Variants in TAFA1 observed in about 807,000 individuals in gnomAD.
TAFA1 encodes the protein chemokine-like protein TAFA-1.
TAFA1 carries 4 observed loss-of-function variants against 18.5 expected under a neutral mutation model. The observed-to-expected ratio is 0.22, with a 90% confidence interval of 0.11 to 0.49. The LOEUF is 0.49. Among genes scored for constraint, TAFA1 ranks in the 20% least tolerant of loss-of-function variants. The pLI, the probability that TAFA1 is intolerant of heterozygous loss-of-function variation, is 0.98. For missense variants in TAFA1, 147 were observed against 169.0 expected, an observed-to-expected ratio of 0.87 and a Z score of 0.72; for synonymous variants, 56 against 55.2, an observed-to-expected ratio of 1.01 and a Z score of -0.06.
At chr3:68,195,645 A>G (rs1332384055) in intron 2 of TAFA1, among the ~76,000 whole-genome samples, 4 of 151,566 alleles carry the variant, frequency 2.6e-5, no homozygotes, top group Non-Finnish European at 5.9e-5. Flanking sequence ...CCCATAGCAG[A>G]AAGTTATTCA....
intron 2 of TAFA1, among the ~76,000 whole-genome samples, chr3:68,168,700 T>C (rs1231267930): frequency 6.6e-6 from 1 of 152,238 alleles, no homozygotes; most frequent in Non-Finnish European, 1.5e-5. Flanking sequence ...AGTCTATTTC[T>C]ACACAAGGGG....
chr3:68,329,515 A>G (rs527267635), intron 2 of TAFA1, among the ~76,000 whole-genome samples: 14 of 152,232 alleles, frequency 9.2e-5, no homozygotes, highest in Admixed American at 7.8e-4. Context: ...GGTTAATGAC[A>G]TGTTAGAGAT....
At chr3:68,447,604 T>A (rs1395687195) in intron 3 of TAFA1, among the ~76,000 whole-genome samples, 1 of 152,212 alleles carries the variant, frequency 6.6e-6, no homozygotes, top group Non-Finnish European at 1.5e-5. Context: ...AACAGTTAGA[T>A]GGGTGTGGAT....
intron 3 of TAFA1, among the ~76,000 whole-genome samples, chr3:68,456,547 C>A (rs781489556): frequency 7.9e-5 from 12 of 152,144 alleles, no homozygotes; most frequent in Non-Finnish European, 1.3e-4. Flanking sequence ...ATTAAACCAT[C>A]CTTTGCTGCC....
chr3:68,307,296 A>G (rs1213142311), intron 2 of TAFA1, among the ~76,000 whole-genome samples: 1 of 152,208 alleles, frequency 6.6e-6, no homozygotes, highest in Non-Finnish European at 1.5e-5. Context: ...TATTAACTTA[A>G]ATAAGAATTA....
intron 3 of TAFA1, among the ~76,000 whole-genome samples, chr3:68,498,517 A>C (rs1389006228): frequency 6.6e-6 from 1 of 152,098 alleles, no homozygotes; most frequent in Non-Finnish European, 1.5e-5. Context: ...CATTTCCTTA[A>C]AGCAGAGAAA....
chr3:68,215,990 G>A (rs1022549586), intron 2 of TAFA1, among the ~76,000 whole-genome samples: 1 of 152,006 alleles, frequency 6.6e-6, no homozygotes, highest in Non-Finnish European at 1.5e-5. Flanking sequence ...AAAGATAAAT[G>A]AGCTATCAAG....
chr3:67,996,818 A>G, the TAFA1 span, among the ~76,000 whole-genome samples: 4 of 151,728 alleles, frequency 2.6e-5, no homozygotes, highest in East Asian at 2.0e-4. Flanking sequence ...AAGAAAAAAA[A>G]AAATGGTATA....
At chr3:68,238,820 C>T (rs893103310) in intron 2 of TAFA1, among the ~76,000 whole-genome samples, 4 of 152,022 alleles carry the variant, frequency 2.6e-5, no homozygotes, top group East Asian at 1.9e-4. Flanking sequence ...ACATTTACAC[C>T]GAATGAAAAT....
chr3:68,439,000 G>A (rs2071315787), intron 3 of TAFA1, among the ~76,000 whole-genome samples: 1 of 152,092 alleles, frequency 6.6e-6, no homozygotes, highest in African/African-American at 2.4e-5. Context: ...TGTGATGGGA[G>A]CAGCAGCCTC....
At chr3:68,305,422 T>A (rs1421754404) in intron 2 of TAFA1, among the ~76,000 whole-genome samples, 1 of 74,568 alleles carries the variant, frequency 1.3e-5, no homozygotes, top group Non-Finnish European at 3.0e-5. Context: ...TATATATATA[T>A]ATATATATAT....
intron 3 of TAFA1, among the ~76,000 whole-genome samples, chr3:68,429,260 C>G (rs73837610): frequency 0.013 from 1,919 of 151,978 alleles, 33 homozygotes; most frequent in African/African-American, 0.042. Context: ...TAGGCTAAAA[C>G]TGGTAATTTT....
At chr3:68,249,675 C>T (rs540673779) in intron 2 of TAFA1, among the ~76,000 whole-genome samples, 23 of 152,136 alleles carry the variant, frequency 1.5e-4, no homozygotes, top group African/African-American at 2.7e-4. Flanking sequence ...AAGAGCAAGT[C>T]GCACCAAGAA....
intron 3 of TAFA1, among the ~76,000 whole-genome samples, chr3:68,501,353 A>G (rs2072656504): frequency 6.6e-6 from 1 of 152,140 alleles, no homozygotes; most frequent in South Asian, 2.1e-4. Flanking sequence ...GAGGCTTGAC[A>G]GAATTTGTCA....
intron 2 of TAFA1, among the ~76,000 whole-genome samples, chr3:68,244,247 C>A (rs2067037724): frequency 6.6e-6 from 1 of 152,158 alleles, no homozygotes; most frequent in African/African-American, 2.4e-5. Flanking sequence ...TTTTGCAGAT[C>A]AAAAGTTTCT....
At chr3:68,173,528 A>G (rs2066085040) in intron 2 of TAFA1, among the ~76,000 whole-genome samples, 1 of 152,194 alleles carries the variant, frequency 6.6e-6, no homozygotes, top group Non-Finnish European at 1.5e-5. Context: ...CTAGATTTTA[A>G]ATATGTAAGG....
chr3:68,234,120 A>T (rs2066901455), intron 2 of TAFA1, among the ~76,000 whole-genome samples: 1 of 152,192 alleles, frequency 6.6e-6, no homozygotes, highest in Non-Finnish European at 1.5e-5. Context: ...CCAGCAGCTG[A>T]TATTTCTGTG....
intron 3 of TAFA1, among the ~76,000 whole-genome samples, chr3:68,513,927 T>C (rs1274557603): frequency 1.3e-5 from 2 of 152,114 alleles, no homozygotes; most frequent in Non-Finnish European, 2.9e-5. Context: ...AAATACCAAA[T>C]GGGGTGGCTT....
At chr3:68,014,831 G>A (rs1364408152) in intron 2 of TAFA1, among the ~76,000 whole-genome samples, 8 of 152,092 alleles carry the variant, frequency 5.3e-5, no homozygotes, top group Non-Finnish European at 1.2e-4. Context: ...AGGAAATGCT[G>A]AATATTGCAA....
Sources: allele counts gnomAD v4.1 joint callset (sites outside exome capture counted in the v4.1 genomes callset), GRCh38; gene constraint gnomAD v4.1.1; transcripts MANE v1.5; gene names NCBI Gene and HGNC (gene_info 2026-07-23, HGNC 2026-07-21).